Variants in SLC45A1 observed in about 807,000 individuals in gnomAD.
SLC45A1 encodes the protein solute carrier family 45 member 1.
A neutral mutation model predicts 57.6 loss-of-function variants in SLC45A1; 28 were observed. That is an observed-to-expected ratio of 0.49 (90% CI 0.36 to 0.67). SLC45A1 has a LOEUF of 0.67. Ranked by LOEUF, SLC45A1 falls within the 30% of genes least tolerant of loss-of-function variation. SLC45A1 has a pLI of 0.00. For missense variants in SLC45A1, 814 were observed against 1,041.5 expected (o/e 0.78, Z 3.01); for synonymous variants, 459 against 471.5 (o/e 0.97, Z 0.34).
intron 1 of SLC45A1, among the ~76,000 whole-genome samples, chr1:8,322,803 G>T (rs1036105973): frequency 1.3e-5 from 2 of 152,172 alleles, no homozygotes; most frequent in Non-Finnish European, 2.9e-5. Context: ...TCTCAGGAAG[G>T]ACTTCAAAGG....
In SLC45A1 at chr1:8,330,619, G is replaced by A. The variant is rs757071373; in HGVS notation, c.1126G>A (p.Val376Ile). ...SSFGTANIDS[V>I]LIDCFTGGHD... ...CTTTGGCACGGCCAACATAGACAGCGTCCTCATTGACTGCTTCACGGGCGG... is the reference window on the plus strand; with the variant it reads ...CTTTGGCACGGCCAACATAGACAGCATCCTCATTGACTGCTTCACGGGCGG... The change falls in exon 5 of 9, where the codon GTC becomes ATC. Residue 376 changes from valine (V) to isoleucine (I), a missense_variant. By Grantham distance (29) the Val-to-Ile change is conservative (BLOSUM62 3). Coordinates refer to ENST00000471889, the MANE Select transcript of SLC45A1 (RefSeq NM_001080397.3). The surrounding 1 kb of genome is among the most constrained non-coding windows in gnomAD (Gnocchi z 8.4). 3.2e-5 allele frequency: 51 copies of A among 1,613,612 alleles called. No individual in the cohort carries two copies. In the Admixed American group the frequency reaches 4.2e-4, roughly 13 times the overall value.
Position 8,335,738 on chromosome 1 carries a change from G to A in SLC45A1, c.1597+148G>A. ...CAACAGCACCAAGGGCAGGCCTGGG[G>A]TGTGGTGGCTGCCCTGGAGGGCTTT... is the stretch of plus-strand genomic sequence containing the variant. On this transcript the variant is annotated intron_variant, in intron 6 of 8. Transcript: ENST00000471889. This position sits in a 1 kb window ranked among gnomAD's most constrained non-coding sequence, Gnocchi z 4.1. 1 of 913,712 alleles carries A rather than the reference G, an allele frequency of 1.1e-6. No individual in the cohort carries two copies. The highest frequency in any genetic ancestry group is 1.6e-6 in the Non-Finnish European group (1 of 636,860). 56.6% of individuals were successfully genotyped at this position (913,712 alleles called of 1,614,324 possible).
intron 5 of SLC45A1, among the ~76,000 whole-genome samples, chr1:8,333,809 C>T (rs1640502861): frequency 6.6e-6 from 1 of 152,188 alleles, no homozygotes; most frequent in South Asian, 2.1e-4. Flanking sequence ...GGGGTGTCTT[C>T]ACGCCTGCGT....
chr1:8,332,035 G>C (rs550744796), intron 5 of SLC45A1, among the ~76,000 whole-genome samples: 2 of 152,092 alleles, frequency 1.3e-5, no homozygotes, highest in African/African-American at 4.8e-5. Flanking sequence ...CTCGTGATCC[G>C]CCTGCCTCTG....
Position 8,335,997 on chromosome 1 carries a change from G to A in SLC45A1, c.1597+407G>A, listed in dbSNP as rs1640599249. The stretch of plus-strand genomic sequence containing the variant: ...ACAGACCCCACACCTGCCTGCCCGT[G>A]TCTATTGCTGTTTGTAAATTCACAC... On this transcript the variant is annotated intron_variant, in intron 6 of 8. Transcript: ENST00000471889. This position sits in a 1 kb window ranked among gnomAD's most constrained non-coding sequence, Gnocchi z 4.1. The A allele has an allele frequency of 5.2e-6, 1 of 190,664 alleles. No individual in the cohort carries two copies. Among genetic ancestry groups the A allele is most frequent in the South Asian group, 1.9e-4 (1 of 5,210 alleles). 11.8% of individuals were successfully genotyped at this position (190,664 alleles called of 1,614,324 possible).
At position 8,318,135 on chromosome 1, in the gene SLC45A1, G is replaced by T. The variant is rs527280626; in HGVS notation, c.-76G>T. On this transcript the variant is annotated 5_prime_UTR_variant, in exon 1 of 9. Transcript: ENST00000471889. ...TGCTGCAGCAGCCGGGACCGCGGCC[G>T]GGCAGGCAGCAGCCCAGCGGGGACA... 2 of 464,882 alleles carry T rather than the reference G, an allele frequency of 4.3e-6. No homozygotes were observed. Among genetic ancestry groups the T allele is most frequent in the African/African-American group, 2.0e-5 (1 of 49,004 alleles). The allele number at this position is 464,882 out of a possible 1,614,324, so 28.8% of individuals were successfully genotyped here. A position where few individuals can be genotyped will look rare whatever the true frequency, so the allele number is the denominator to read the frequency against.
At chr1:8,339,871 C>A (rs2124325400) in intron 8 of SLC45A1, among the ~76,000 whole-genome samples, 173 bp downstream of exon 8, 1 of 152,322 alleles carries the variant, frequency 6.6e-6, no homozygotes, top group South Asian at 2.1e-4. Context: ...GTGCCCCCTG[C>A]CTGTAATCCC....
At chr1:8,332,628 CA>C (rs1185487510) in intron 5 of SLC45A1, among the ~76,000 whole-genome samples, 2 of 151,540 alleles carry the variant, frequency 1.3e-5, no homozygotes, top group East Asian at 3.9e-4. Context: ...TCTCCTGCTT[CA>C]GCCTCCTGAG....
intron 1 of SLC45A1, among the ~76,000 whole-genome samples, chr1:8,320,191 GAGA>G (rs750064159): frequency 6.6e-6 from 1 of 152,218 alleles, no homozygotes; most frequent in Non-Finnish European, 1.5e-5. Flanking sequence ...AGATGCTAGA[GAGA>G]AGTTCATTGA....
intron 1 of SLC45A1, 81 bp downstream of exon 1, chr1:8,318,267 G>C: frequency 2.4e-6 from 1 of 408,482 alleles, no homozygotes; most frequent in Non-Finnish European, 4.5e-6. Context: ...CCCCGGGGTA[G>C]TCAGGGCGCC....
chr1:8,330,135 T>A lies in SLC45A1; in HGVS notation c.716-74T>A, dbSNP rs1640337354. 6.5e-7 allele frequency: 1 copy of A among 1,548,018 alleles called. No individual in the cohort carries two copies. Among genetic ancestry groups the A allele is most frequent in the Middle Eastern group, 1.9e-4 (1 of 5,270 alleles). Reference sequence around the variant, plus strand: ...ATGGCCTTGGCTACCTTCATGTCCTTCTAAGAACGGGGCCACCGCGTTTGG... The same window carrying A: ...ATGGCCTTGGCTACCTTCATGTCCTACTAAGAACGGGGCCACCGCGTTTGG... On this transcript the variant is annotated intron_variant, in intron 4 of 8. Coordinates refer to ENST00000471889, the MANE Select transcript of SLC45A1 (RefSeq NM_001080397.3). The surrounding 1 kb of genome is among the most constrained non-coding windows in gnomAD (Gnocchi z 8.4).
At chr1:8,322,705 A>G (rs764653519) in intron 1 of SLC45A1, among the ~76,000 whole-genome samples, 1 of 152,194 alleles carries the variant, frequency 6.6e-6, no homozygotes, top group Non-Finnish European at 1.5e-5. Context: ...TAATTTTGAG[A>G]GAAAGCCCGT....
At position 8,335,575 on chromosome 1, in the gene SLC45A1, G is replaced by A. The variant is rs367968730; in HGVS notation, c.1582G>A (p.Val528Ile). The change falls in exon 6 of 9, where the codon GTC becomes ATC. Residue 528 changes from valine (V) to isoleucine (I), a missense_variant. By Grantham distance (29) the Val-to-Ile change is conservative. Coordinates refer to ENST00000471889, the MANE Select transcript of SLC45A1 (RefSeq NM_001080397.3). The surrounding 1 kb of genome is among the most constrained non-coding windows in gnomAD (Gnocchi z 4.1). ...GCCCAAGGCGCTACGCACCCTCTGC[G>A]TCAACCACTTCCTGGGTGAGCTCCC... ...NMPKALRTLC[V>I]NHFLGWLSFE... The A allele has an allele frequency of 5.0e-5, 80 of 1,603,674 alleles. No individual in the cohort carries two copies. In the Middle Eastern group the frequency reaches 6.6e-4, roughly 13 times the overall value.
chr1:8,330,122 A>C lies in SLC45A1; in HGVS notation c.716-87A>C, dbSNP rs1274249427. On this transcript the variant is annotated intron_variant, in intron 4 of 8. Transcript: ENST00000471889. This position sits in a 1 kb window ranked among gnomAD's most constrained non-coding sequence, Gnocchi z 8.4. ...CCACGTCCCTGGAATGGCCTTGGCTACCTTCATGTCCTTCTAAGAACGGGG... is the reference window on the plus strand; with the variant it reads ...CCACGTCCCTGGAATGGCCTTGGCTCCCTTCATGTCCTTCTAAGAACGGGG... The C allele has an allele frequency of 2.0e-6, 3 of 1,485,332 alleles. No homozygotes were observed. The highest frequency in any genetic ancestry group is 2.7e-6 in the Non-Finnish European group (3 of 1,093,784). The allele number at this position is 1,485,332 out of a possible 1,614,324, so 92.0% of individuals were successfully genotyped here.
chr1:8,339,006 G>A (rs760778004), intron 7 of SLC45A1, among the ~76,000 whole-genome samples: 1 of 152,184 alleles, frequency 6.6e-6, no homozygotes, highest in Non-Finnish European at 1.5e-5. Context: ...CTTGGGGCGT[G>A]GGGAACTGGC....
Position 8,338,412 on chromosome 1 carries a change from G to A in SLC45A1, c.1774+420G>A, listed in dbSNP as rs76955848. Among the ~76,000 whole-genome samples, 813 of 152,352 alleles carry A rather than the reference G, an allele frequency of 5.3e-3. 9 individuals are homozygous for A. Among genetic ancestry groups the A allele is most frequent in the African/African-American group, 0.019 (784 of 41,572 alleles). On this transcript the variant is annotated intron_variant, in intron 7 of 8. Coordinates refer to ENST00000471889, the MANE Select transcript of SLC45A1 (RefSeq NM_001080397.3). ...GTGTGTGGTCGTGGAGCGTAGGGGT[G>A]GGCAGGGGCCAGGGGCCCAGATGAC...
rs753562103 is a variant in SLC45A1 at position 8,324,673 on chromosome 1, TG to T, written c.347del (p.Gly116AlafsTer48). The T allele has an allele frequency of 6.3e-7, 1 of 1,596,278 alleles. No homozygotes were observed. Among genetic ancestry groups the T allele is most frequent in the African/African-American group, 1.3e-5 (1 of 74,604 alleles). ...TAYVTPVLLQMGLPDQLYSLV... is the reference protein window; with the variant it reads ...TAYVTPVLLQXGLPDQLYSLV... The stretch of plus-strand genomic sequence containing the variant: ...TACGTGACCCCGGTGCTCCTGCAGA[TG>T]GGCCTGCCCGACCAGCTCTACAGCC... On this transcript the variant is annotated frameshift_variant, in exon 2 of 9. Coordinates refer to ENST00000471889, the MANE Select transcript of SLC45A1 (RefSeq NM_001080397.3). LOFTEE classifies it high-confidence loss of function.
rs1422595879 is a variant in SLC45A1 at position 8,333,243 on chromosome 1, T to C, written c.1444-2194T>C. ...TGTTCATTTTCTTTTCCTTTCCTTT[T>C]TTTTTTTTCTTTTATTTCTTTTCTT... is the stretch of plus-strand genomic sequence containing the variant. On this transcript the variant is annotated intron_variant, in intron 5 of 8. Coordinates refer to ENST00000471889, the MANE Select transcript of SLC45A1 (RefSeq NM_001080397.3). Among the ~76,000 whole-genome samples, 5 of 152,128 alleles carry C rather than the reference T, an allele frequency of 3.3e-5. No individual in the cohort carries two copies. The South Asian group carries it at 8.3e-4, about 25-fold the overall frequency.
rs1640243983 is a variant in SLC45A1, at chr1:8,327,698, T to C, written c.715+1656T>C. ...AGCTTGTCTATATAAAATACTTGCC[T>C]TGTTACAGAATAAAATGGAAGAAAA... On this transcript the variant is annotated intron_variant, in intron 4 of 8. Coordinates refer to ENST00000471889, the MANE Select transcript of SLC45A1 (RefSeq NM_001080397.3). The surrounding 1 kb of genome is among the most constrained non-coding windows in gnomAD (Gnocchi z 4.3). Among the ~76,000 whole-genome samples, 1 of 152,200 alleles carries C rather than the reference T, an allele frequency of 6.6e-6. No homozygotes were observed. Among genetic ancestry groups the C allele is most frequent in the South Asian group, 2.1e-4 (1 of 4,830 alleles).
Sources: gnomAD v4.1 joint callset for allele counts (sites outside exome capture counted in the v4.1 genomes callset) on GRCh38, gnomAD v4.1.1 for gene constraint, Gnocchi (gnomAD v3.1) non-coding constraint, MANE v1.5 for transcripts, NCBI Gene and HGNC (gene_info 2026-07-23, HGNC 2026-07-21) for gene names.